The following ACO1 variants were observed in gnomAD, a reference collection of about 807,000 sequenced individuals.
ACO1 encodes aconitase 1.
In ACO1, 78 loss-of-function variants were observed where a neutral mutation model predicts 105.1. That is an observed-to-expected ratio of 0.74 (90% CI 0.62 to 0.90). The LOEUF is 0.90. Among genes scored for constraint, ACO1 ranks in the 40% least tolerant of loss-of-function variants. The pLI, the probability that ACO1 is intolerant of heterozygous loss-of-function variation, is 0.00. For missense variants in ACO1, 965 were observed against 1,111.1 expected, an observed-to-expected ratio of 0.87 and a Z score of 1.87; for synonymous variants, 364 against 397.4, an observed-to-expected ratio of 0.92 and a Z score of 1.00.
intron 1 of ACO1, among the ~76,000 whole-genome samples, chr9:32,385,804 A>G (rs1821146140): frequency 1.3e-5 from 2 of 152,216 alleles, no homozygotes; most frequent in Admixed American, 6.5e-5. Flanking sequence ...AATGGTTTTG[A>G]CTTTGGAGAT....
intron 18 of ACO1, 145 bp downstream of exon 18, chr9:32,436,542 C>T (rs1822366265): frequency 2.0e-5 from 18 of 885,866 alleles, no homozygotes; most frequent in East Asian, 2.0e-4. Flanking sequence ...GCCAGGTGTC[C>T]ATATGCATAG....
At chr9:32,387,518 G>A (rs987579537) in intron 1 of ACO1, among the ~76,000 whole-genome samples, 8 of 151,924 alleles carry the variant, frequency 5.3e-5, no homozygotes, top group African/African-American at 1.9e-4. Context: ...AGGTGCTTTT[G>A]GTTTGTTTTT....
chr9:32,417,018 G>A (rs1335946099), intron 4 of ACO1, among the ~76,000 whole-genome samples: 4 of 152,158 alleles, frequency 2.6e-5, no homozygotes, highest in Admixed American at 6.5e-5. Flanking sequence ...TGCCACAGTC[G>A]CTGTTAACTA....
At chr9:32,448,665 G>A (rs189675316) in intron 19 of ACO1, among the ~76,000 whole-genome samples, 32 of 152,256 alleles carry the variant, frequency 2.1e-4, no homozygotes, top group Middle Eastern at 3.4e-3. Flanking sequence ...CCACTTGAGC[G>A]CATCCTCCAT....
At chr9:32,386,526 G>C (rs886431812) in intron 1 of ACO1, 1 of 152,176 alleles carries the variant, frequency 6.6e-6, no homozygotes, top group Non-Finnish European at 1.5e-5. Flanking sequence ...ATATATTTGG[G>C]AGGAAGAAAT....
At position 32,448,904 on chromosome 9, in the gene ACO1, A is replaced by C. The variant is rs1382085219; in HGVS notation, c.2379A>C (p.Lys793Asn). Reference protein sequence around the residue: ...AAKGPFLLGIKAVLAESYERI... With the variant: ...AAKGPFLLGINAVLAESYERI... ...CTGTCTTTATTCATCAGGGAATCAA[A>C]GCCGTCCTGGCCGAGAGCTACGAGC... The change falls in exon 20 of 21, where the codon AAA becomes AAC. Residue 793 changes from lysine (K) to asparagine (N), a missense_variant. By Grantham distance (94) the Lys-to-Asn change is moderately conservative (BLOSUM62 0). Transcript: ENST00000309951. 6.2e-7 allele frequency: 1 copy of C among 1,614,100 alleles called. No homozygotes were observed. Among genetic ancestry groups the C allele is most frequent in the East Asian group, 2.2e-5 (1 of 44,904 alleles).
At chr9:32,391,072 T>G (rs1010532945) in intron 1 of ACO1, among the ~76,000 whole-genome samples, 1 of 152,192 alleles carries the variant, frequency 6.6e-6, no homozygotes, top group Non-Finnish European at 1.5e-5. Context: ...CATAGGTAAG[T>G]CAATAGCAAT....
chr9:32,448,121 A>C (rs1490528691), intron 19 of ACO1, among the ~76,000 whole-genome samples: 3 of 152,142 alleles, frequency 2.0e-5, no homozygotes, highest in Non-Finnish European at 4.4e-5. Context: ...GGGACATTTA[A>C]GTGTGCTGAA....
chr9:32,440,366 C>A, intron 18 of ACO1, 99 bp from the exon 19 acceptor site: 1 of 1,422,248 alleles, frequency 7.0e-7, no homozygotes, highest in Non-Finnish European at 9.7e-7. Context: ...ATTTGGCCAT[C>A]TGCAAACCCA....
At chr9:32,422,530 A>G (rs1436156896) in intron 8 of ACO1, among the ~76,000 whole-genome samples, 1 of 152,234 alleles carries the variant, frequency 6.6e-6, no homozygotes, top group Non-Finnish European at 1.5e-5. Context: ...TTCTGTTTCT[A>G]ACCATCAGAG....
At chr9:32,423,733 A>G (rs894131756) in intron 9 of ACO1, among the ~76,000 whole-genome samples, 3 of 152,314 alleles carry the variant, frequency 2.0e-5, no homozygotes, top group East Asian at 1.9e-4. Context: ...GAATGATACA[A>G]TGGACTTTGG....
intron 1 of ACO1, among the ~76,000 whole-genome samples, chr9:32,391,464 C>G (rs182306179): frequency 2.6e-5 from 4 of 152,204 alleles, no homozygotes; most frequent in Admixed American, 2.0e-4. Flanking sequence ...TCAGATTCCT[C>G]ATGTTCTGCT....
At chr9:32,436,619 G>A (rs898411425) in intron 18 of ACO1, among the ~76,000 whole-genome samples, 5 of 152,152 alleles carry the variant, frequency 3.3e-5, no homozygotes, top group Admixed American at 3.3e-4. Flanking sequence ...GTTTCACTGA[G>A]TCTCTTTTCT....
At chr9:32,413,950 C>T (rs1821796299) in intron 4 of ACO1, among the ~76,000 whole-genome samples, 1 of 151,982 alleles carries the variant, frequency 6.6e-6, no homozygotes, top group South Asian at 2.1e-4. Context: ...GAGATCAAGA[C>T]CATCCTGGCT....
intron 1 of ACO1, among the ~76,000 whole-genome samples, chr9:32,402,193 T>A (rs1292915167): frequency 2.0e-5 from 3 of 152,202 alleles, no homozygotes; most frequent in Non-Finnish European, 2.9e-5. Context: ...TTCCTTCTTT[T>A]TTTTTTCTTT....
intron 1 of ACO1, among the ~76,000 whole-genome samples, chr9:32,404,997 A>G (rs138529646): frequency 4.5e-4 from 68 of 152,318 alleles, no homozygotes; most frequent in African/African-American, 1.6e-3. Context: ...TTTGCTGCCC[A>G]TTCTTTAGTT....
At chr9:32,429,586 G>T (rs898160104) in intron 13 of ACO1, 83 bp downstream of exon 13, 6 of 1,214,038 alleles carry the variant, frequency 4.9e-6, no homozygotes, top group South Asian at 3.9e-5. Context: ...TTTTCAAGAA[G>T]GTCCATGGAA....
chr9:32,431,039 C>A (rs1822223080), intron 14 of ACO1, among the ~76,000 whole-genome samples: 1 of 152,180 alleles, frequency 6.6e-6, no homozygotes, highest in Non-Finnish European at 1.5e-5. Flanking sequence ...CTGAAATTTA[C>A]TTTTAGGAAA....
intron 17 of ACO1, 77 bp from the exon 18 acceptor site, chr9:32,436,173 T>G (rs757843792): frequency 5.7e-6 from 9 of 1,582,834 alleles, no homozygotes; most frequent in South Asian, 3.3e-5. Context: ...GTTTTGTTTT[T>G]TTCTTTTCTT....
Sources: allele counts gnomAD v4.1 joint callset (sites outside exome capture counted in the v4.1 genomes callset), GRCh38; gene constraint gnomAD v4.1.1; transcripts MANE v1.5; gene names NCBI Gene and HGNC (gene_info 2026-07-23, HGNC 2026-07-21).